SCAF8: variants seen among roughly 807,000 people sequenced by gnomAD.
SCAF8 encodes the protein SR-related and CTD-associated factor 8.
In SCAF8, 23 loss-of-function variants were observed where a neutral mutation model predicts 140.5. That is an observed-to-expected ratio of 0.16 (90% CI 0.12 to 0.23). SCAF8 has a LOEUF of 0.23. Among genes scored for constraint, SCAF8 ranks in the 10% least tolerant of loss-of-function variants. SCAF8 has a pLI of 1.00. For synonymous variants in SCAF8, 575 were observed against 528.9 expected (o/e 1.09, Z -1.20); for missense variants, 1,397 against 1,555.7 (o/e 0.90, Z 1.72).
chr6:154,765,520 T>C (rs769832553), intron 1 of SCAF8, among the ~76,000 whole-genome samples: 19 of 152,216 alleles, frequency 1.2e-4, no homozygotes, highest in Non-Finnish European at 1.9e-4. Context: ...TAGTTAAATA[T>C]AGCAGAGAAG....
chr6:154,733,819 C>G lies in SCAF8; in HGVS notation c.-82C>G. The G allele has an allele frequency of 1.3e-6, 2 of 1,484,666 alleles. No individual in the cohort carries two copies. Among genetic ancestry groups the G allele is most frequent in the Non-Finnish European group, 1.8e-6 (2 of 1,121,560 alleles). The allele number at this position is 1,484,666 out of a possible 1,614,324, so 92.0% of individuals were successfully genotyped here. On this transcript the variant is annotated 5_prime_UTR_variant, in exon 1 of 20. Transcript: ENST00000367178. ...GCGCCCCCTCCTCGCGGCCACGCAG[C>G]AGCCCGCGTCTCGCTCTCCCCACCC...
chr6:154,735,418 TAGC>T (rs1451423359), intron 1 of SCAF8, among the ~76,000 whole-genome samples: 90 of 152,256 alleles, frequency 5.9e-4, no homozygotes, highest in African/African-American at 1.9e-3. Context: ...CTATTTTCAA[TAGC>T]AGTGATACAT....
At chr6:154,831,400 G>A (rs573486370) in intron 19 of SCAF8, among the ~76,000 whole-genome samples, 1 of 152,094 alleles carries the variant, frequency 6.6e-6, no homozygotes, top group South Asian at 2.1e-4. Context: ...GACTACTTCA[G>A]TGTGTTGTCA....
chr6:154,770,954 A>G (rs553175183), intron 1 of SCAF8, among the ~76,000 whole-genome samples: 199 of 152,294 alleles, frequency 1.3e-3, no homozygotes, highest in African/African-American at 4.5e-3. Context: ...TGTGTTGGTC[A>G]GGCTGGTCTC....
intron 7 of SCAF8, among the ~76,000 whole-genome samples, chr6:154,802,617 CA>C (rs71763761): frequency 0.056 from 7,321 of 130,042 alleles, 239 homozygotes; most frequent in Non-Finnish European, 0.082. Flanking sequence ...ACTCTTGACT[CA>C]AAAAAAAAAA....
At chr6:154,753,563 C>CG (rs1554257808) in intron 1 of SCAF8, among the ~76,000 whole-genome samples, 5 of 151,206 alleles carry the variant, frequency 3.3e-5, no homozygotes, top group Non-Finnish European at 7.4e-5. Flanking sequence ...CACTTGAACC[C>CG]GGGGGGCAGA....
Position 154,833,273 on chromosome 6 carries a change from A to G in SCAF8, c.3694A>G (p.Asn1232Asp). 1.2e-6 allele frequency: 2 copies of G among 1,614,022 alleles called. No individual in the cohort carries two copies. Among genetic ancestry groups the G allele is most frequent in the Non-Finnish European group, 1.7e-6 (2 of 1,179,984 alleles). Reference protein sequence around the residue: ...HAQPPPIPVQNDPELYEKLTS... With the variant: ...HAQPPPIPVQDDPELYEKLTS... ...TCAGCCACCACCTATACCAGTACAG[A>G]ATGATCCTGAACTTTATGAAAAACT... The change falls in exon 20 of 20, where the codon AAT becomes GAT. Residue 1232 changes from asparagine (N) to aspartate (D), a missense_variant. Physicochemically the swap from Asn to Asp is conservative, Grantham distance 23. This residue lies in a region of SCAF8 where 930 missense variants were observed against 874.6 expected (regional missense o/e 1.06). Coordinates refer to ENST00000367178, the MANE Select transcript of SCAF8 (RefSeq NM_014892.5).
chr6:154,735,030 A>G (rs1224718640), intron 1 of SCAF8, among the ~76,000 whole-genome samples: 2 of 151,994 alleles, frequency 1.3e-5, no homozygotes, highest in African/African-American at 2.4e-5. Flanking sequence ...AGGCTGAGGC[A>G]GGAGAATCGC....
intron 8 of SCAF8, 111 bp downstream of exon 8, chr6:154,803,734 C>G: frequency 1.5e-6 from 1 of 674,414 alleles, no homozygotes; most frequent in Non-Finnish European, 2.6e-6. Context: ...GCTGTTGAAC[C>G]TCTAACATTA....
chr6:154,770,388 A>ACACACACTCTCTCTCTCTCTCTCTCT (rs1384942827), intron 1 of SCAF8, among the ~76,000 whole-genome samples: 5 of 141,916 alleles, frequency 3.5e-5, no homozygotes, highest in South Asian at 2.3e-4. Context: ...ACACACACAC[A>ACACACACTCTCTCTCTCTCTCTCTCT]CTCTCTCTCT....
chr6:154,833,061 A>G lies in SCAF8; in HGVS notation c.3482A>G (p.Asp1161Gly). 1.2e-6 allele frequency: 2 copies of G among 1,614,158 alleles called. No homozygotes were observed. Among genetic ancestry groups the G allele is most frequent in the South Asian group, 1.1e-5 (1 of 91,088 alleles). ...AGAAGACCCTGGGAGAGGCAAAGGG[A>G]TAGGGATGACAGAGATTTTGATTTC... is the stretch of plus-strand genomic sequence containing the variant. ...DRRRPWERQR[D>G]RDDRDFDFCR... Residue 1161 changes from aspartate (D) to glycine (G), a missense_variant, in exon 20 of 20, where the codon GAT becomes GGT. Transcript: ENST00000367178.
intron 2 of SCAF8, among the ~76,000 whole-genome samples, chr6:154,774,618 T>C (rs1423866328): frequency 1.3e-5 from 2 of 152,182 alleles, no homozygotes; most frequent in Non-Finnish European, 2.9e-5. Context: ...TTTTTTCTTA[T>C]TGATTCTATT....
intron 1 of SCAF8, among the ~76,000 whole-genome samples, chr6:154,745,225 A>G (rs926784707): frequency 6.6e-6 from 1 of 152,186 alleles, no homozygotes; most frequent in Non-Finnish European, 1.5e-5. Context: ...AATTGCTTTA[A>G]TATTGATTTG....
intron 16 of SCAF8, among the ~76,000 whole-genome samples, chr6:154,823,494 G>T (rs1466149067): frequency 6.6e-6 from 1 of 152,134 alleles, no homozygotes; most frequent in East Asian, 1.9e-4. Flanking sequence ...CAGATACTAG[G>T]TGTATTTTGA....
chr6:154,753,951 C>T (rs1778903715), intron 1 of SCAF8, among the ~76,000 whole-genome samples: 1 of 152,194 alleles, frequency 6.6e-6, no homozygotes, highest in Non-Finnish European at 1.5e-5. Flanking sequence ...GATCCTCCCT[C>T]CTCGGCCTCC....
chr6:154,806,971 A>G (rs1777935959), intron 9 of SCAF8, among the ~76,000 whole-genome samples: 1 of 152,206 alleles, frequency 6.6e-6, no homozygotes, highest in African/African-American at 2.4e-5. Flanking sequence ...AACTGCTAAG[A>G]GAGGCAGGAG....
chr6:154,813,959 C>CTGA (rs892875757), intron 12 of SCAF8, among the ~76,000 whole-genome samples: 5 of 152,210 alleles, frequency 3.3e-5, no homozygotes, highest in African/African-American at 1.2e-4. Context: ...TGCGTACCTG[C>CTGA]TGACCCATAG....
chr6:154,807,038 C>T (rs963480709), intron 9 of SCAF8, among the ~76,000 whole-genome samples: 20 of 152,176 alleles, frequency 1.3e-4, no homozygotes, highest in African/African-American at 4.8e-4. Flanking sequence ...ATAAATGTAA[C>T]ACTTTGTGAA....
At chr6:154,818,964 C>G (rs1778334294) in intron 14 of SCAF8, among the ~76,000 whole-genome samples, 1 of 151,978 alleles carries the variant, frequency 6.6e-6, no homozygotes, top group African/African-American at 2.4e-5. Flanking sequence ...TTAACTATAC[C>G]TTCTAATTAT....
Sources: gnomAD v4.1 joint callset for allele counts (sites outside exome capture counted in the v4.1 genomes callset) on GRCh38, gnomAD v4.1.1 for gene constraint, gnomAD v4.1.1 regional missense constraint, MANE v1.5 for transcripts, NCBI Gene and HGNC (gene_info 2026-07-23, HGNC 2026-07-21) for gene names.